MYO9B: variants seen among roughly 807,000 people sequenced by gnomAD.
The protein encoded by MYO9B is unconventional myosin-IXb.
A neutral mutation model predicts 229.5 loss-of-function variants in MYO9B; 71 were observed. The ratio of observed to expected loss-of-function variants is 0.31; its 90% confidence interval spans 0.26 to 0.38. The LOEUF is 0.38. Among genes scored for constraint, MYO9B ranks in the 10% least tolerant of loss-of-function variants. MYO9B has a pLI of 1.00. For missense variants in MYO9B, 2,255 were observed against 2,920.5 expected (o/e 0.77, Z 5.25); for synonymous variants, 1,185 against 1,235.8 (o/e 0.96, Z 0.86).
chr19:17,143,968 T>C (rs1344205086), intron 2 of MYO9B, among the ~76,000 whole-genome samples: 1 of 151,606 alleles, frequency 6.6e-6, no homozygotes. Flanking sequence ...GATACTAGGC[T>C]TAGTACCTGG....
intron 5 of MYO9B, 85 bp downstream of exon 5, chr19:17,154,151 G>T: frequency 6.4e-6 from 9 of 1,406,494 alleles, no homozygotes; most frequent in Non-Finnish European, 8.0e-6. Context: ...GTCAGAGGCA[G>T]CCTGCCCTGG....
intron 26 of MYO9B, among the ~76,000 whole-genome samples, chr19:17,201,671 G>T (rs1293232520): frequency 6.6e-6 from 1 of 152,088 alleles, no homozygotes; most frequent in African/African-American, 2.4e-5. Context: ...GGTGGGTGGA[G>T]GCCAGGGATG....
chr19:17,212,406 G>A lies in MYO9B; in HGVS notation c.*96G>A. 1 of 1,347,746 alleles carries A rather than the reference G, an allele frequency of 7.4e-7. No homozygotes were observed. Among genetic ancestry groups the A allele is most frequent in the African/African-American group, 1.5e-5 (1 of 67,020 alleles). The allele number at this position is 1,347,746 out of a possible 1,614,324, so 83.5% of individuals were successfully genotyped here. Reference sequence around the variant, plus strand: ...AGCTAGTGTTCGGCCCTCAGAGAAGGATCCAGAATCAAAAGCTCAAGAGTG... The same window carrying A: ...AGCTAGTGTTCGGCCCTCAGAGAAGAATCCAGAATCAAAAGCTCAAGAGTG... On this transcript the variant is annotated 3_prime_UTR_variant, in exon 40 of 40. Transcript: ENST00000682292. The surrounding 1 kb of genome is among the most constrained non-coding windows in gnomAD (Gnocchi z 5.4).
Position 17,195,800 on chromosome 19 carries a change from C to G in MYO9B, c.4046+327C>G, listed in dbSNP as rs575676395. On this transcript the variant is annotated intron_variant, in intron 22 of 39. Coordinates refer to ENST00000682292, the MANE Select transcript of MYO9B (RefSeq NM_004145.4). This position sits in a 1 kb window ranked among gnomAD's most constrained non-coding sequence, Gnocchi z 4.5. ...TGGGCCTTGGTTTCTAATTGGTGAA[C>G]AGGACTAACTGCACTCCTCGGGGTT... Among the ~76,000 whole-genome samples, 1 of 152,196 alleles carries G rather than the reference C, an allele frequency of 6.6e-6. No individual in the cohort carries two copies. The highest frequency in any genetic ancestry group is 1.9e-4 in the East Asian group (1 of 5,158).
chr19:17,174,811 A>G (rs111772781), intron 13 of MYO9B, among the ~76,000 whole-genome samples: 10,015 of 150,146 alleles, frequency 0.067, 418 homozygotes, highest in Non-Finnish European at 0.1. Context: ...GCAGGCACCT[A>G]TAGTCCCAGC....
Position 17,212,218 on chromosome 19 carries a change from G to C in MYO9B, c.6382G>C (p.Glu2128Gln), listed in dbSNP as rs2073239578. Residue 2128 changes from glutamate (E) to glutamine (Q), a missense_variant, in exon 40 of 40, where the codon GAA (glutamate) becomes CAA (glutamine). Transcript: ENST00000682292. The surrounding 1 kb of genome is among the most constrained non-coding windows in gnomAD (Gnocchi z 5.4). Reference protein sequence around the residue: ...LPVQGALEPLEEDGQPPGAKR... With the variant: ...LPVQGALEPLQEDGQPPGAKR... ...AGTGCAGGGCGCCCTGGAGCCCCTA[G>C]AAGAGGATGGCCAGCCACCTGGGGC... 6.3e-7 allele frequency: 1 copy of C among 1,583,538 alleles called. No individual in the cohort carries two copies. The highest frequency in any genetic ancestry group is 1.3e-5 in the African/African-American group (1 of 74,184).
At chr19:17,153,695 CAAAAAA>C (rs60449061) in intron 4 of MYO9B, among the ~76,000 whole-genome samples, 25,371 of 120,636 alleles carry the variant, frequency 0.21, 2,420 homozygotes, top group East Asian at 0.33. Context: ...GACCGTATCT[CAAAAAA>C]AAAAAAAAAG....
At chr19:17,122,468 G>A (rs1428754766) in intron 2 of MYO9B, among the ~76,000 whole-genome samples, 1 of 152,148 alleles carries the variant, frequency 6.6e-6, no homozygotes, top group Non-Finnish European at 1.5e-5. Flanking sequence ...GAACCCGGGA[G>A]ATTGCACCTC....
chr19:17,174,959 A>T (rs1262763773), intron 13 of MYO9B, among the ~76,000 whole-genome samples: 15 of 150,860 alleles, frequency 9.9e-5, no homozygotes, highest in Non-Finnish European at 1.8e-4. Flanking sequence ...TAAATAATAA[A>T]TTAATTAATT....
At position 17,150,591 on chromosome 19, in the gene MYO9B, G is replaced by A. The variant is rs751556893; in HGVS notation, c.936-2053G>A. Among the ~76,000 whole-genome samples, 21 of 98,794 alleles carry A rather than the reference G, an allele frequency of 2.1e-4. 3 individuals are homozygous for A. The highest frequency in any genetic ancestry group is 6.3e-4 in the South Asian group (2 of 3,198). 64.8% of individuals were successfully genotyped at this position (98,794 alleles called of 152,430 possible). A position where few individuals can be genotyped will look rare whatever the true frequency, so the allele number is the denominator to read the frequency against. On this transcript the variant is annotated intron_variant, in intron 3 of 39. Transcript: ENST00000682292. ...GTGAGCTCACATGTCTGGTGATGGC[G>A]GACCCTGTGATAGACCGGCCCCACC...
intron 2 of MYO9B, among the ~76,000 whole-genome samples, chr19:17,134,022 A>C (rs954755438): frequency 2.6e-5 from 4 of 151,986 alleles, no homozygotes; most frequent in African/African-American, 9.7e-5. Context: ...CGGCCTCCCA[A>C]AGTGCTGGGA....
At chr19:17,206,585 G>T in intron 33 of MYO9B, 94 bp from the exon 34 acceptor site, 1 of 1,314,734 alleles carries the variant, frequency 7.6e-7, no homozygotes. Context: ...CCACAGGGTG[G>T]ATGGCACCTG....
At chr19:17,200,223 C>A in intron 24 of MYO9B, 70 bp from the exon 25 acceptor site, 1 of 1,545,712 alleles carries the variant, frequency 6.5e-7, no homozygotes, top group South Asian at 1.3e-5. Context: ...TGTGTCCAGT[C>A]ACAGGGAGGC....
chr19:17,183,868 G>GGTAAAAAAAAAAACACACCCCGCGC lies in MYO9B; in HGVS notation c.2373+2_2373+26dup, dbSNP rs1176173087. ...TCAAACAAAAGCAGATCATTCCAAA[G>GGTAAAAAAAAAAACACACCCCGCGC]GTAAAAAAAAAAACACACCCCGCGC... On this transcript the variant is annotated frameshift_variant and splice_region_variant. Transcript: ENST00000682292. LOFTEE classifies it high-confidence loss of function. 1.3e-6 allele frequency: 2 copies of GGTAAAAAAAAAAACACACCCCGCGC among 1,572,108 alleles called. No homozygotes were observed. The highest frequency in any genetic ancestry group is 1.7e-6 in the Non-Finnish European group (2 of 1,163,360).
chr19:17,179,874 G>C (rs2072836158), intron 14 of MYO9B, among the ~76,000 whole-genome samples: 1 of 151,006 alleles, frequency 6.6e-6, no homozygotes, highest in African/African-American at 2.4e-5. Context: ...ACTCCAGCCT[G>C]GGCAACAGAG....
chr19:17,168,278 C>G (rs1415461866), intron 11 of MYO9B, among the ~76,000 whole-genome samples: 2 of 152,198 alleles, frequency 1.3e-5, no homozygotes, highest in African/African-American at 4.8e-5. Flanking sequence ...GATCCCCTGA[C>G]GTGAGCCTCT....
rs1156939570 is a variant in MYO9B, at chr19:17,197,445, T to TAGATAGAC, written c.4047-342_4047-341insGACAGATA. On this transcript the variant is annotated intron_variant, in intron 22 of 39. Transcript: ENST00000682292. ...ATAGATAGATAGATAGATAGATAGATAGATACATAGATAGATAGATGGGCA... is the reference window on the plus strand; with the variant it reads ...ATAGATAGATAGATAGATAGATAGATAGATAGACAGATACATAGATAGATAGATGGGCA... 1.7e-3 allele frequency among the ~76,000 whole-genome samples: 253 copies of TAGATAGAC among 151,152 alleles called. 2 individuals are homozygous for TAGATAGAC. The highest frequency in any genetic ancestry group is 5.9e-3 in the African/African-American group (239 of 40,640).
At position 17,197,792 on chromosome 19, in the gene MYO9B, G is replaced by C. The variant is rs375909499; in HGVS notation, c.4047G>C (p.Glu1349Asp). 8.7e-6 allele frequency: 14 copies of C among 1,613,792 alleles called. No individual in the cohort carries two copies. The highest frequency in any genetic ancestry group is 1.2e-5 in the Non-Finnish European group (14 of 1,179,874). ...AAGCCATGTTTCTGTGATCTCGCAG[G>C]GAGAGGCGCACCTCCTTCTCCACGA... ...RATGAALTPT[E>D]ERRTSFSTSD... The change falls in exon 23 of 40, where the codon GAG becomes GAC. Residue 1349 changes from glutamate to aspartate, a missense_variant and splice_region_variant. Physicochemically the swap from Glu to Asp is conservative, Grantham distance 45. Transcript: ENST00000682292.
At chr19:17,154,588 C>T (rs1156676243) in intron 6 of MYO9B, among the ~76,000 whole-genome samples, 173 bp downstream of exon 6, 2 of 152,150 alleles carry the variant, frequency 1.3e-5, no homozygotes, top group Non-Finnish European at 2.9e-5. Flanking sequence ...TGAGAAGGGG[C>T]TCAAGACATT....
Sources: allele counts gnomAD v4.1 joint callset (sites outside exome capture counted in the v4.1 genomes callset), GRCh38; gene constraint gnomAD v4.1.1; non-coding constraint Gnocchi (gnomAD v3.1); transcripts MANE v1.5; gene names NCBI Gene and HGNC (gene_info 2026-07-23, HGNC 2026-07-21).